The following MGAT1 variants were observed in gnomAD, a reference collection of about 807,000 sequenced individuals.
The protein encoded by MGAT1 is alpha-1,3-mannosyl-glycoprotein 2-beta-N-acetylglucosaminyltransferase.
MGAT1 carries 14 observed loss-of-function variants against 31.7 expected under a neutral mutation model. The observed-to-expected ratio is 0.44, with a 90% CI of 0.29 to 0.69. The LOEUF is 0.69. Ranked by LOEUF, MGAT1 falls within the 30% of genes least tolerant of loss-of-function variation. The pLI, the probability that MGAT1 is intolerant of heterozygous loss-of-function variation, is 0.12. For synonymous variants in MGAT1, 338 were observed against 276.0 expected (o/e 1.22, Z -2.23); for missense variants, 557 against 626.0 (o/e 0.89, Z 1.18).
At chr5:180,812,549 T>A (rs1216275335) in intron 1 of MGAT1, among the ~76,000 whole-genome samples, 1 of 152,040 alleles carries the variant, frequency 6.6e-6, no homozygotes, top group Non-Finnish European at 1.5e-5. Context: ...ATATTTTTTA[T>A]ACACACGCAC....
rs1561818668 is a variant in MGAT1, at chr5:180,792,309, G to A, written c.663C>T (p.Tyr221=). ...TCAGCAGCGGATAGGTGGCCCGAAA[G>A]TACTCGAAGAAGTCCGGGGCCACCT... The part of the protein sequence containing the change: ...DLEVAPDFFE[Y]FRATYPLLKA... The change falls in exon 2 of 2, where the codon TAC becomes TAT. Residue 221 remains tyrosine (Y), a synonymous_variant. Transcript: ENST00000307826. The A allele has an allele frequency of 5.0e-6, 8 of 1,610,264 alleles. No homozygotes were observed. Among genetic ancestry groups the A allele is most frequent in the African/African-American group, 2.7e-5 (2 of 74,904 alleles).
At chr5:180,805,109 T>C (rs771682524), upstream of MGAT1, among the ~76,000 whole-genome samples, 3 of 151,960 alleles carry the variant, frequency 2.0e-5, no homozygotes, top group Non-Finnish European at 4.4e-5. Context: ...AGAGGTTACA[T>C]GGGGAGCAGT....
rs542347743 is a variant in MGAT1, at chr5:180,787,493, A to C, written c.*4141T>G. 1.3e-3 allele frequency: 198 copies of C among 152,374 alleles called. No individual in the cohort carries two copies. Among genetic ancestry groups the C allele is most frequent in the African/African-American group, 4.4e-3 (185 of 41,582 alleles). 9.4% of individuals were successfully genotyped at this position (152,374 alleles called of 1,614,324 possible). ...GTTACACAGCCAGACAAATATGTAC[A>C]TAACACTATGGGTTTTGGTGGTAAA... On this transcript the variant is annotated 3_prime_UTR_variant, in exon 2 of 2. Coordinates refer to ENST00000307826, the MANE Select transcript of MGAT1 (RefSeq NM_002406.4).
In MGAT1 at chr5:180,792,879, G is replaced by A. The variant is rs376603224; in HGVS notation, c.93C>T (p.Arg31=). ...NALLLLFFWT[R]PAPGRPPSVS... is the part of the protein sequence containing the mutation. ...CTGAGGGTGGCCTGCCAGGTGCTGG[G>A]CGCGTCCAGAAGAAGAGGAGCAGCA... The change falls in exon 2 of 2, where the codon CGC becomes CGT. Residue 31 remains arginine (R), a synonymous_variant. Coordinates refer to ENST00000307826, the MANE Select transcript of MGAT1 (RefSeq NM_002406.4). 1.9e-4 allele frequency: 305 copies of A among 1,593,166 alleles called. 2 individuals carry two copies. The African/African-American group carries it at 3.7e-3, about 19-fold the overall frequency.
chr5:180,804,121 C>G (rs535113560), upstream of MGAT1, among the ~76,000 whole-genome samples: 1 of 152,208 alleles, frequency 6.6e-6, no homozygotes, highest in Non-Finnish European at 1.5e-5. Flanking sequence ...GGTCACCAGG[C>G]ATGGTGAGGG....
chr5:180,798,184 T>C (rs890223789), intron 1 of MGAT1, among the ~76,000 whole-genome samples: 4 of 152,198 alleles, frequency 2.6e-5, no homozygotes, highest in Non-Finnish European at 5.9e-5. Context: ...TGAGCCATGT[T>C]AGGTGTTTAG....
intron 1 of MGAT1, among the ~76,000 whole-genome samples, chr5:180,814,754 A>G (rs776713034): frequency 3.4e-4 from 52 of 152,210 alleles, no homozygotes; most frequent in Non-Finnish European, 6.2e-4. Context: ...AACCTGACCA[A>G]GATGGTGAAA....
At chr5:180,801,276 T>A in intron 1 of MGAT1, among the ~76,000 whole-genome samples, 1 of 152,288 alleles carries the variant, frequency 6.6e-6, no homozygotes, top group East Asian at 1.9e-4. Flanking sequence ...CGAGAAGTTA[T>A]ATTTAGCTGT....
chr5:180,795,924 C>T (rs910939750), intron 1 of MGAT1: 3 of 118,028 alleles, frequency 2.5e-5, no homozygotes, highest in African/African-American at 9.5e-5. Flanking sequence ...CATGGTCCCA[C>T]CAATCCTCCA....
intron 1 of MGAT1, chr5:180,811,383 T>C (rs1015793804): frequency 6.6e-6 from 1 of 152,240 alleles, no homozygotes; most frequent in Non-Finnish European, 1.5e-5. Context: ...TGCTTAATTA[T>C]ATTGCTTGGG....
rs115335057 is a variant in MGAT1 at position 180,801,830 on chromosome 5, G to C, written c.-127+850C>G. ...GTTTCCCTTGTTAACACAGGCCACT[G>C]AGGTCAGGCATACCGCAGTGCTTCT... On this transcript the variant is annotated intron_variant, in intron 1 of 1. Coordinates refer to ENST00000307826, the MANE Select transcript of MGAT1 (RefSeq NM_002406.4). Among the ~76,000 whole-genome samples, 672 of 152,304 alleles carry C rather than the reference G, an allele frequency of 4.4e-3. 5 individuals carry two copies. Among genetic ancestry groups the C allele is most frequent in the African/African-American group, 0.015 (607 of 41,550 alleles).
At position 180,789,970 on chromosome 5, in the gene MGAT1, T is replaced by C. The variant is rs984412142; in HGVS notation, c.*1664A>G. ...AAATGAATTAGTGGAGAACAGAAAC[T>C]CTCAGAATGTTGCACGTGATATGCA... On this transcript the variant is annotated 3_prime_UTR_variant, in exon 2 of 2. Coordinates refer to ENST00000307826, the MANE Select transcript of MGAT1 (RefSeq NM_002406.4). 4.6e-5 allele frequency: 7 copies of C among 152,214 alleles called. No individual in the cohort carries two copies. The highest frequency in any genetic ancestry group is 1.7e-4 in the African/African-American group (7 of 41,440). The allele number at this position is 152,214 out of a possible 1,614,324, so 9.4% of individuals were successfully genotyped here.
chr5:180,800,985 C>T (rs890981209), intron 1 of MGAT1, among the ~76,000 whole-genome samples: 1 of 152,174 alleles, frequency 6.6e-6, no homozygotes, highest in African/African-American at 2.4e-5. Context: ...ATCCACACCA[C>T]CAGGTACAAA....
At chr5:180,811,363 A>G (rs906844214) in intron 1 of MGAT1, 5 of 152,224 alleles carry the variant, frequency 3.3e-5, no homozygotes, top group Admixed American at 6.5e-5. Context: ...TTAAAGGGAA[A>G]AATACATATT....
Position 180,793,066 on chromosome 5 carries a change from C to T in MGAT1, c.-95G>A. On this transcript the variant is annotated 5_prime_UTR_variant, in exon 2 of 2. Transcript: ENST00000307826. ...GCCCGCAGTCCTAGGGATGCCTCCT[C>T]TGGACTATGGGATTAGGAGGCAGCC... The T allele has an allele frequency of 2.1e-6, 3 of 1,439,778 alleles. No individual in the cohort carries two copies. The highest frequency in any genetic ancestry group is 1.4e-5 in the African/African-American group (1 of 71,098). 89.2% of individuals were successfully genotyped at this position (1,439,778 alleles called of 1,614,324 possible).
chr5:180,801,626 G>A (rs936495875), intron 1 of MGAT1, among the ~76,000 whole-genome samples: 1 of 152,234 alleles, frequency 6.6e-6, no homozygotes, highest in Non-Finnish European at 1.5e-5. Flanking sequence ...AAAGGCATGA[G>A]GCCTGGGATT....
intron 1 of MGAT1, among the ~76,000 whole-genome samples, chr5:180,799,747 A>C (rs777558374): frequency 1.5e-4 from 23 of 151,814 alleles, no homozygotes; most frequent in Non-Finnish European, 3.1e-4. Flanking sequence ...TGATAAAGAC[A>C]CTCCTGCCTC....
At chr5:180,805,306 CAAAAG>C (rs1771699973), upstream of MGAT1, among the ~76,000 whole-genome samples, 1 of 152,094 alleles carries the variant, frequency 6.6e-6, no homozygotes, top group South Asian at 2.1e-4. Flanking sequence ...CCACCACTGA[CAAAAG>C]AGAACTGAAA....
At chr5:180,795,120 G>A (rs1241353765) in intron 1 of MGAT1, among the ~76,000 whole-genome samples, 4 of 152,030 alleles carry the variant, frequency 2.6e-5, no homozygotes, top group East Asian at 3.8e-4. Context: ...TAAAACTGCC[G>A]AAAATAGAAA....
Sources: gnomAD v4.1 joint callset for allele counts (sites outside exome capture counted in the v4.1 genomes callset) on GRCh38, gnomAD v4.1.1 for gene constraint, MANE v1.5 for transcripts, NCBI Gene and HGNC (gene_info 2026-07-23, HGNC 2026-07-21) for gene names.